MCM6: variants seen among roughly 807,000 people sequenced by gnomAD.
MCM6 encodes minichromosome maintenance complex component 6, also known as DNA replication licensing factor MCM6.
In MCM6, 46 loss-of-function variants were observed where a neutral mutation model predicts 94.3. The observed-to-expected ratio is 0.49, with a 90% confidence interval of 0.39 to 0.62. The LOEUF (loss-of-function observed/expected upper bound fraction) is 0.62. MCM6 is among the 20% of genes least tolerant of loss of function. The probability of loss-of-function intolerance (pLI) is 0.00; values close to 1 mark genes in which losing one functional copy is unlikely to be tolerated. For missense variants in MCM6, 865 were observed against 1,017.9 expected (o/e 0.85, Z 2.04); for synonymous variants, 335 against 351.9 (o/e 0.95, Z 0.54).
At chr2:135,850,492 C>T (rs1030083136) in intron 13 of MCM6, among the ~76,000 whole-genome samples, 2 of 152,002 alleles carry the variant, frequency 1.3e-5, no homozygotes, top group Non-Finnish European at 2.9e-5. Context: ...CATTTTTTGT[C>T]CCCTACAGGT....
At chr2:135,865,781 C>T (rs920054150) in intron 6 of MCM6, among the ~76,000 whole-genome samples, 1 of 152,072 alleles carries the variant, frequency 6.6e-6, no homozygotes, top group Non-Finnish European at 1.5e-5. Flanking sequence ...CTCATCAAAT[C>T]TTAACCCCAT....
intron 16 of MCM6, among the ~76,000 whole-genome samples, chr2:135,843,730 C>CAAAAAA (rs55634938): frequency 1.1e-5 from 1 of 90,924 alleles, no homozygotes; most frequent in African/African-American, 3.8e-5. Context: ...AACTCTGTCT[C>CAAAAAA]AAAAAAAAAA....
At chr2:135,869,965 A>G (rs1680171997) in intron 3 of MCM6, among the ~76,000 whole-genome samples, 1 of 152,224 alleles carries the variant, frequency 6.6e-6, no homozygotes, top group African/African-American at 2.4e-5. Flanking sequence ...GGTATTTTAC[A>G]GCATCAATTT....
intron 13 of MCM6, among the ~76,000 whole-genome samples, chr2:135,850,042 T>C (rs1445695283): frequency 6.6e-6 from 1 of 152,112 alleles, no homozygotes; most frequent in Non-Finnish European, 1.5e-5. Flanking sequence ...AAAAATCAAT[T>C]AGAGACTGCC....
intron 13 of MCM6, among the ~76,000 whole-genome samples, chr2:135,848,784 C>T (rs1477409922): frequency 6.6e-6 from 1 of 152,120 alleles, no homozygotes; most frequent in Non-Finnish European, 1.5e-5. Flanking sequence ...ACTCAGGAGG[C>T]TGAGAAAGAA....
At chr2:135,852,179 C>T (rs1171073226) in intron 12 of MCM6, among the ~76,000 whole-genome samples, 1 of 152,166 alleles carries the variant, frequency 6.6e-6, no homozygotes, top group Non-Finnish European at 1.5e-5. Context: ...CATGAATAAT[C>T]AAGTGAAGAT....
chr2:135,867,641 A>C (rs1172139466), intron 4 of MCM6, among the ~76,000 whole-genome samples: 3 of 152,104 alleles, frequency 2.0e-5, no homozygotes, highest in African/African-American at 4.8e-5. Flanking sequence ...CTTCATTCTT[A>C]CTACTGCCAT....
rs4988154 is a variant in MCM6, at chr2:135,873,117, G to C, written c.108-274C>G. On this transcript the variant is annotated intron_variant, in intron 1 of 16. Transcript: ENST00000264156. ...GTCTTTCCCCTGCTGTTCTCTGATA[G>C]TAAGTCTCACGAGATCTGATGGTTT... Among the ~76,000 whole-genome samples the C allele has an allele frequency of 3.3e-5, 5 of 152,240 alleles. No homozygotes were observed. In the East Asian group the frequency reaches 9.6e-4, roughly 29 times the overall value.
intron 15 of MCM6, 150 bp from the exon 16 acceptor site, chr2:135,844,834 G>A (rs1489739712): frequency 6.0e-6 from 4 of 663,568 alleles, no homozygotes; most frequent in Non-Finnish European, 9.1e-6. Flanking sequence ...GGTCCGCAAT[G>A]TTCTAGCATA....
intron 14 of MCM6, 73 bp downstream of exon 14, chr2:135,847,980 C>T (rs1679702634): frequency 4.1e-6 from 5 of 1,209,906 alleles, no homozygotes; most frequent in African/African-American, 1.5e-5. Context: ...AGCAGGTGTA[C>T]TTCTACCACA....
At chr2:135,843,610 G>A (rs553885862) in intron 16 of MCM6, among the ~76,000 whole-genome samples, 3 of 151,430 alleles carry the variant, frequency 2.0e-5, no homozygotes, top group Non-Finnish European at 2.9e-5. Context: ...CGTGGTGGCC[G>A]GCGCCTGTAA....
chr2:135,866,307 CTTAAATA>C (rs1356641571), intron 5 of MCM6, 30 bp from the exon 6 acceptor site: 1 of 1,611,724 alleles, frequency 6.2e-7, no homozygotes, highest in Non-Finnish European at 8.5e-7. Context: ...TGTTTCACAA[CTTAAATA>C]TTAAAGGTGC....
Position 135,840,719 on chromosome 2 carries a change from A to G in MCM6, c.*116T>C. 1.4e-6 allele frequency: 1 copy of G among 690,948 alleles called. No homozygotes were observed. The highest frequency in any genetic ancestry group is 2.5e-6 in the Non-Finnish European group (1 of 392,414). The allele number at this position is 690,948 out of a possible 1,614,324, so 42.8% of individuals were successfully genotyped here. ...ACTCAATTCTTGTTTCTGAAAACAA[A>G]TCCTGGAAGCATCACTTCCAGAAAC... On this transcript the variant is annotated 3_prime_UTR_variant, in exon 17 of 17. Transcript: ENST00000264156.
At position 135,856,868 on chromosome 2, in the gene MCM6, G is replaced by T. The variant is rs202222981; in HGVS notation, c.1486C>A (p.Arg496=). The change falls in exon 11 of 17, where the codon CGG becomes AGG. Residue 496 remains arginine, a synonymous_variant. Transcript: ENST00000264156. ...KAGVKATLNA[R]TSILAAANPI... is the part of the protein sequence containing the mutation. ...TTTGCTGCTGCCAAAATGGACGTCCGGGCGTTCAGAGTAGCCTGACCACAA... is the reference window on the plus strand; with the variant it reads ...TTTGCTGCTGCCAAAATGGACGTCCTGGCGTTCAGAGTAGCCTGACCACAA... The T allele has an allele frequency of 1.7e-5, 27 of 1,613,764 alleles. No homozygotes were observed. The East Asian group carries it at 3.6e-4, about 21-fold the overall frequency.
intron 10 of MCM6, among the ~76,000 whole-genome samples, chr2:135,857,639 T>C (rs963958648): frequency 2.6e-5 from 4 of 152,212 alleles, no homozygotes; most frequent in Admixed American, 2.6e-4. Context: ...ATTTTTGTTA[T>C]AATTGGAGCA....
At chr2:135,847,586 CAG>C (rs1236046668) in intron 14 of MCM6, among the ~76,000 whole-genome samples, 5 of 152,090 alleles carry the variant, frequency 3.3e-5, no homozygotes, top group Admixed American at 2.6e-4. Flanking sequence ...TTTTTTGAGA[CAG>C]AGTCTCGCTC....
At chr2:135,845,776 CCA>C (rs914025194) in intron 15 of MCM6, among the ~76,000 whole-genome samples, 20 of 152,292 alleles carry the variant, frequency 1.3e-4, no homozygotes, top group African/African-American at 4.8e-4. Context: ...TGTCCAGACG[CCA>C]CACTTTACCA....
At chr2:135,861,884 G>A (rs987891537) in intron 8 of MCM6, among the ~76,000 whole-genome samples, 22 of 152,156 alleles carry the variant, frequency 1.4e-4, no homozygotes, top group African/African-American at 5.1e-4. Flanking sequence ...CCAAAGTGCT[G>A]GGATTACAGG....
At chr2:135,844,474 G>T in intron 16 of MCM6, 71 bp downstream of exon 16, 1 of 1,329,060 alleles carries the variant, frequency 7.5e-7, no homozygotes, top group African/African-American at 1.5e-5. Context: ...AATTTCACTA[G>T]TGAACCTGCA....
Sources: allele counts gnomAD v4.1 joint callset (sites outside exome capture counted in the v4.1 genomes callset), GRCh38; gene constraint gnomAD v4.1.1; transcripts MANE v1.5; gene names NCBI Gene and HGNC (gene_info 2026-07-23, HGNC 2026-07-21).